BTBD9: variants seen among roughly 807,000 people sequenced by gnomAD.
BTBD9 encodes the protein BTB domain containing 9.
In BTBD9, 49 loss-of-function variants were observed where a neutral mutation model predicts 64.3. The ratio of observed to expected loss-of-function variants is 0.76; its 90% CI spans 0.61 to 0.97. BTBD9 has a LOEUF of 0.97. BTBD9 is among the 50% of genes least tolerant of loss of function. BTBD9 has a pLI of 0.00. For synonymous variants in BTBD9, 260 were observed against 274.7 expected (o/e 0.95, Z 0.53); for missense variants, 598 against 762.1 (o/e 0.78, Z 2.53).
At chr6:38,415,106 C>T (rs1209459182) in intron 6 of BTBD9, among the ~76,000 whole-genome samples, 1 of 152,108 alleles carries the variant, frequency 6.6e-6, no homozygotes, top group Non-Finnish European at 1.5e-5. Context: ...CAATATAGAC[C>T]TAGCTACCTA....
intron 9 of BTBD9, chr6:38,193,856 CT>C: frequency 3.0e-6 from 3 of 985,444 alleles, no homozygotes; most frequent in Non-Finnish European, 3.6e-6. Context: ...TTCCCTCTCA[CT>C]ATGAACCTCC....
intron 8 of BTBD9, among the ~76,000 whole-genome samples, chr6:38,274,618 T>C (rs2127546239): frequency 6.6e-6 from 1 of 152,360 alleles, no homozygotes; most frequent in East Asian, 1.9e-4. Context: ...AAAGGCCTTT[T>C]CTGCATCTAT....
rs147104533 is a variant in BTBD9 at position 38,402,325 on chromosome 6, A to G, written c.1155-57232T>C. Among the ~76,000 whole-genome samples the G allele has an allele frequency of 3.0e-4, 46 of 152,038 alleles. No homozygotes were observed. In the East Asian group the frequency reaches 7.6e-3, roughly 25 times the overall value. On this transcript the variant is annotated intron_variant, in intron 6 of 10. Coordinates refer to ENST00000481247, the MANE Select transcript of BTBD9 (RefSeq NM_001099272.2). ...TCAAAATCCCAACACACTTATTTGT[A>G]GAAATTGACAACCTGATCCTAAAAT...
At chr6:38,274,231 T>A (rs1765295725) in intron 8 of BTBD9, among the ~76,000 whole-genome samples, 1 of 152,254 alleles carries the variant, frequency 6.6e-6, no homozygotes, top group Admixed American at 6.5e-5. Flanking sequence ...ATTGATTTTG[T>A]ATCCTAAGAC....
intron 6 of BTBD9, among the ~76,000 whole-genome samples, chr6:38,409,932 C>T (rs1767336540): frequency 1.3e-5 from 2 of 152,032 alleles, no homozygotes. Context: ...AGGCATAATT[C>T]GAACTAATTT....
chr6:38,481,719 A>G (rs1771155256), intron 6 of BTBD9: 1 of 152,272 alleles, frequency 6.6e-6, no homozygotes, highest in Admixed American at 6.5e-5. Context: ...AAGAGAGTGA[A>G]AAGTGGGAGA....
intron 10 of BTBD9, among the ~76,000 whole-genome samples, chr6:38,176,968 A>AT (rs1040055812): frequency 6.6e-6 from 1 of 152,158 alleles, no homozygotes; most frequent in African/African-American, 2.4e-5. Context: ...AAAGCTTCTC[A>AT]TAACCCAGCA....
intron 6 of BTBD9, chr6:38,565,882 A>G (rs1775470582): frequency 6.6e-6 from 1 of 152,190 alleles, no homozygotes; most frequent in African/African-American, 2.4e-5. Context: ...TTAATAGGGG[A>G]CTGGTCAGGT....
Position 38,530,002 on chromosome 6 carries a change from T to C in BTBD9, c.1154+47598A>G, listed in dbSNP as rs765860185. ...AGTAGGGAAGAGATTACTAAATTCTTTTCCTAGCAAGGAATATTAATATTA... is the reference window on the plus strand; with the variant it reads ...AGTAGGGAAGAGATTACTAAATTCTCTTCCTAGCAAGGAATATTAATATTA... On this transcript the variant is annotated intron_variant, in intron 6 of 10. Coordinates refer to ENST00000481247, the MANE Select transcript of BTBD9 (RefSeq NM_001099272.2). Among the ~76,000 whole-genome samples the C allele has an allele frequency of 1.3e-4, 20 of 152,148 alleles. 1 individual carries two copies. Among genetic ancestry groups the C allele is most frequent in the Non-Finnish European group, 1.5e-5 (1 of 68,018 alleles).
intron 9 of BTBD9, among the ~76,000 whole-genome samples, chr6:38,247,436 T>C (rs1163614205): frequency 6.6e-6 from 1 of 152,230 alleles, no homozygotes; most frequent in African/African-American, 2.4e-5. Context: ...ACAATCATGC[T>C]GAAGACCAGG....
intron 6 of BTBD9, among the ~76,000 whole-genome samples, chr6:38,499,309 C>T (rs1292755300): frequency 6.6e-6 from 1 of 152,148 alleles, no homozygotes. Context: ...TGATCACATG[C>T]ATTTCTCTTT....
chr6:38,197,799 CA>C (rs1198225492), intron 9 of BTBD9, among the ~76,000 whole-genome samples: 1 of 152,186 alleles, frequency 6.6e-6, no homozygotes, highest in Non-Finnish European at 1.5e-5. Context: ...AAGCCTTGCT[CA>C]AAAGCAAGTT....
chr6:38,483,230 C>G (rs1287520104), intron 6 of BTBD9, among the ~76,000 whole-genome samples: 1 of 152,080 alleles, frequency 6.6e-6, no homozygotes, highest in African/African-American at 2.4e-5. Context: ...TCTCCCTTGA[C>G]TCCACTGAAA....
intron 6 of BTBD9, among the ~76,000 whole-genome samples, chr6:38,481,090 T>C (rs1022269599): frequency 3.3e-5 from 5 of 152,170 alleles, no homozygotes; most frequent in African/African-American, 7.2e-5. Flanking sequence ...GGAAATCCCA[T>C]TGAGTAGGGA....
intron 6 of BTBD9, among the ~76,000 whole-genome samples, chr6:38,545,087 T>G (rs1774472330): frequency 6.6e-6 from 1 of 151,988 alleles, no homozygotes; most frequent in Non-Finnish European, 1.5e-5. Context: ...ACTGGACAGT[T>G]TTTGTTTGTT....
At chr6:38,497,079 A>C (rs1222631061) in intron 6 of BTBD9, among the ~76,000 whole-genome samples, 3 of 152,198 alleles carry the variant, frequency 2.0e-5, no homozygotes, top group Admixed American at 6.5e-5. Context: ...CAGAACTATG[A>C]CCATCTAGCA....
intron 6 of BTBD9, among the ~76,000 whole-genome samples, chr6:38,403,200 T>G (rs1170756345): frequency 6.6e-6 from 1 of 152,068 alleles, no homozygotes; most frequent in Non-Finnish European, 1.5e-5. Flanking sequence ...TTGGACTTCA[T>G]CAAAATTTAA....
intron 2 of BTBD9, among the ~76,000 whole-genome samples, chr6:38,594,592 A>G (rs943223971): frequency 6.6e-6 from 1 of 152,230 alleles, no homozygotes; most frequent in Non-Finnish European, 1.5e-5. Flanking sequence ...TATTAAATAG[A>G]AAGATGAGAG....
chr6:38,253,868 A>G (rs61704346), intron 9 of BTBD9, among the ~76,000 whole-genome samples: 1 of 151,758 alleles, frequency 6.6e-6, no homozygotes, highest in African/African-American at 2.4e-5. Flanking sequence ...GCAATATGGT[A>G]TAGTGGCAAG....
Sources: gnomAD v4.1 joint callset for allele counts (sites outside exome capture counted in the v4.1 genomes callset) on GRCh38, gnomAD v4.1.1 for gene constraint, MANE v1.5 for transcripts, NCBI Gene and HGNC (gene_info 2026-07-23, HGNC 2026-07-21) for gene names.